PLA2G6: variants seen among roughly 807,000 people sequenced by gnomAD.
PLA2G6 encodes the protein phospholipase A2 group VI, also known as 85/88 kDa calcium-independent phospholipase A2.
In PLA2G6, 62 loss-of-function variants were observed where a neutral mutation model predicts 83.8. The ratio of observed to expected loss-of-function variants is 0.74; its 90% CI spans 0.60 to 0.91. The LOEUF (loss-of-function observed/expected upper bound fraction) is 0.91, where lower values mean the gene tolerates loss of function less well. PLA2G6 is among the 40% of genes least tolerant of loss of function. PLA2G6 has a pLI of 0.00. For synonymous variants in PLA2G6, 417 were observed against 449.8 expected (o/e 0.93, Z 0.92); for missense variants, 944 against 1,102.0 (o/e 0.86, Z 2.03).
intron 14 of PLA2G6, 133 bp downstream of exon 14, chr22:38,115,394 T>C (rs1345373858): frequency 2.6e-6 from 2 of 779,414 alleles, no homozygotes; most frequent in Non-Finnish European, 4.4e-6. Flanking sequence ...CAATTTGCCC[T>C]GTGTGCACAT....
intron 9 of PLA2G6, chr22:38,127,283 G>A (rs1317100627): frequency 1.6e-6 from 2 of 1,250,044 alleles, no homozygotes; most frequent in African/African-American, 1.5e-5. Flanking sequence ...GAGAGGCCGG[G>A]GACAGGGTGC....
intron 15 of PLA2G6, 103 bp downstream of exon 15, chr22:38,113,384 T>C (rs2086997517): frequency 8.8e-7 from 1 of 1,132,852 alleles, no homozygotes; most frequent in African/African-American, 1.5e-5. Flanking sequence ...GACAGAGCCC[T>C]GCTGTCTCCT....
chr22:38,174,869 C>T (rs1030591954), intron 1 of PLA2G6, among the ~76,000 whole-genome samples: 13 of 152,128 alleles, frequency 8.5e-5, no homozygotes, highest in Non-Finnish European at 1.0e-4. Context: ...ATGTCAGTCA[C>T]GCCCCTCGCC....
intron 7 of PLA2G6, chr22:38,131,780 C>T (rs552023572): frequency 2.5e-5 from 6 of 241,858 alleles, no homozygotes; most frequent in South Asian, 1.3e-4. Context: ...TCTGTACATA[C>T]GGTATTGCTA....
chr22:38,124,585 C>T (rs1177764901), intron 10 of PLA2G6, among the ~76,000 whole-genome samples: 1 of 152,206 alleles, frequency 6.6e-6, no homozygotes, highest in Non-Finnish European at 1.5e-5. Flanking sequence ...GAGACCCTCC[C>T]TCACAGCCCG....
chr22:38,112,693 G>T, intron 15 of PLA2G6, 116 bp from the exon 16 acceptor site: 1 of 844,080 alleles, frequency 1.2e-6, no homozygotes, highest in Non-Finnish European at 1.9e-6. Context: ...GCTCTTTCGA[G>T]TCAGGCTGAG....
At chr22:38,121,136 G>T in intron 11 of PLA2G6, 1 of 493,034 alleles carries the variant, frequency 2.0e-6, no homozygotes, top group South Asian at 2.1e-5. Flanking sequence ...CCAGCACTTT[G>T]GGAGGCTGAG....
intron 4 of PLA2G6, chr22:38,141,335 G>A (rs5995539): frequency 0.054 from 8,268 of 152,380 alleles, 763 homozygotes; most frequent in African/African-American, 0.19. Context: ...CAGCCTGGGC[G>A]ACAGAGCTAG....
Position 38,132,114 on chromosome 22 carries a change from C to A in PLA2G6, c.1077+717G>T. ...TGGGCGACAGTGCGAGACTCCATCT[C>A]GAAAAAAAAGAATACATGCACACAC... On this transcript the variant is annotated intron_variant, in intron 7 of 16. Transcript: ENST00000332509. This position sits in a 1 kb window ranked among gnomAD's most constrained non-coding sequence, Gnocchi z 5.0. 4.4e-6 allele frequency: 2 copies of A among 454,728 alleles called. No homozygotes were observed. The highest frequency in any genetic ancestry group is 8.8e-6 in the Non-Finnish European group (2 of 226,412). 28.2% of individuals were successfully genotyped at this position (454,728 alleles called of 1,614,324 possible).
chr22:38,176,636 C>T (rs866461259), intron 1 of PLA2G6, among the ~76,000 whole-genome samples: 21 of 152,148 alleles, frequency 1.4e-4, no homozygotes, highest in Admixed American at 1.1e-3. Context: ...CCACACAGCA[C>T]GGGAGCATGC....
rs950562159 is a variant in PLA2G6, at chr22:38,139,311, G to A, written c.797+671C>T. On this transcript the variant is annotated intron_variant, in intron 5 of 16. Coordinates refer to ENST00000332509, the MANE Select transcript of PLA2G6 (RefSeq NM_003560.4). ...TCCAGAACTGGAGCACCACCTGGAG[G>A]GGAGCTGGAAAGAGGAGACCCCAAA... 8.5e-5 allele frequency: 13 copies of A among 152,192 alleles called. 1 individual carries two copies. Among genetic ancestry groups the A allele is most frequent in the Admixed American group, 7.2e-4 (11 of 15,266 alleles). 9.4% of individuals were successfully genotyped at this position (152,192 alleles called of 1,614,324 possible). A position where few individuals can be genotyped will look rare whatever the true frequency, so the allele number is the denominator to read the frequency against.
At chr22:38,122,413 C>A (rs536642388) in intron 11 of PLA2G6, among the ~76,000 whole-genome samples, 1 of 152,198 alleles carries the variant, frequency 6.6e-6, no homozygotes, top group African/African-American at 2.4e-5. Flanking sequence ...CCTAGAAGCT[C>A]AGACAGCTCC....
intron 2 of PLA2G6, 129 bp from the exon 3 acceptor site, chr22:38,145,782 CAA>C (rs1372685560): frequency 2.0e-5 from 12 of 603,666 alleles, no homozygotes; most frequent in Admixed American, 4.5e-5. Context: ...CCCTCCCAAG[CAA>C]ACACACACAC....
intron 1 of PLA2G6, among the ~76,000 whole-genome samples, chr22:38,173,331 C>A (rs2090508217): frequency 6.6e-6 from 1 of 152,004 alleles, no homozygotes; most frequent in African/African-American, 2.4e-5. Flanking sequence ...CTCCTCCTTA[C>A]CTGGGCTTCT....
chr22:38,140,373 T>C (rs1216994386), intron 4 of PLA2G6: 1 of 548,772 alleles, frequency 1.8e-6, no homozygotes, highest in Non-Finnish European at 3.3e-6. Flanking sequence ...CCGGGCATGG[T>C]GGCAGGCACC....
At chr22:38,127,858 C>T (rs770223924) in intron 9 of PLA2G6, among the ~76,000 whole-genome samples, 20 of 152,148 alleles carry the variant, frequency 1.3e-4, no homozygotes, top group Non-Finnish European at 1.5e-4. Context: ...CAGGCCCAAC[C>T]GAGATTCAAA....
At chr22:38,171,237 A>C (rs1419764336) in intron 1 of PLA2G6, among the ~76,000 whole-genome samples, 7 of 151,860 alleles carry the variant, frequency 4.6e-5, no homozygotes, top group Non-Finnish European at 7.4e-5. Flanking sequence ...TACAAGGCTC[A>C]GTGCCATCTC....
At chr22:38,124,810 G>T (rs1228447609) in intron 10 of PLA2G6, among the ~76,000 whole-genome samples, 8 of 152,192 alleles carry the variant, frequency 5.3e-5, no homozygotes, top group Admixed American at 4.6e-4. Context: ...TCCTGGACCA[G>T]GTACCCAGCC....
chr22:38,134,745 G>A (rs10483197), intron 6 of PLA2G6: 4 of 539,116 alleles, frequency 7.4e-6, no homozygotes, highest in Non-Finnish European at 1.3e-5. Flanking sequence ...TCATCACATC[G>A]CCAAAGCAGA....
Sources: allele counts gnomAD v4.1 joint callset (sites outside exome capture counted in the v4.1 genomes callset), GRCh38; gene constraint gnomAD v4.1.1; non-coding constraint Gnocchi (gnomAD v3.1); transcripts MANE v1.5; gene names NCBI Gene and HGNC (gene_info 2026-07-23, HGNC 2026-07-21).